The following CAST variants were observed in gnomAD, a reference collection of about 807,000 sequenced individuals.
The protein encoded by CAST is MIR583 host.
CAST carries 76 observed loss-of-function variants against 119.6 expected under a neutral mutation model. The observed-to-expected ratio is 0.64, with a 90% CI of 0.53 to 0.77. The LOEUF (loss-of-function observed/expected upper bound fraction) is 0.77, where lower values mean the gene tolerates loss of function less well. Ranked by LOEUF, CAST falls within the 30% of genes least tolerant of loss-of-function variation. The probability of loss-of-function intolerance (pLI) is 0.00; values close to 1 mark genes in which losing one functional copy is unlikely to be tolerated. For synonymous variants in CAST, 319 were observed against 331.6 expected (o/e 0.96, Z 0.41); for missense variants, 953 against 946.5 (o/e 1.01, Z -0.09).
At chr5:96,363,544 C>A in the CAST span, among the ~76,000 whole-genome samples, 1 of 152,128 alleles carries the variant, frequency 6.6e-6, no homozygotes, top group Non-Finnish European at 1.5e-5. Flanking sequence ...TTGAAGAGGT[C>A]CTTCACATCC....
chr5:96,211,446 T>C, the CAST span, among the ~76,000 whole-genome samples: 1 of 152,032 alleles, frequency 6.6e-6, no homozygotes, highest in African/African-American at 2.4e-5. Context: ...CACTGATTGA[T>C]TTTCAAATAT....
At chr5:96,619,511 C>G (rs1747545786) in intron 1 of CAST, among the ~76,000 whole-genome samples, 1 of 152,230 alleles carries the variant, frequency 6.6e-6, no homozygotes, top group Non-Finnish European at 1.5e-5. Context: ...GCAGCAGCAA[C>G]CTGCTGGGTC....
chr5:96,150,810 G>C, the CAST span, among the ~76,000 whole-genome samples: 19 of 152,290 alleles, frequency 1.2e-4, no homozygotes, highest in African/African-American at 4.1e-4. Flanking sequence ...AGCTGTGGGG[G>C]GCAGGGCCTC....
chr5:96,524,820 A>G (rs896656580), upstream of CAST, among the ~76,000 whole-genome samples: 3 of 152,222 alleles, frequency 2.0e-5, no homozygotes, highest in Non-Finnish European at 2.9e-5. Flanking sequence ...CTTTTCAAAC[A>G]CAATGTTTTA....
At chr5:96,392,669 CCTTTT>C in the CAST span, 18 of 241,912 alleles carry the variant, frequency 7.4e-5, no homozygotes, top group Non-Finnish European at 1.1e-4. Context: ...CCAGGTTTTG[CCTTTT>C]CTTTTGAGAA....
chr5:96,209,427 TTAAG>T, the CAST span, among the ~76,000 whole-genome samples: 1 of 152,102 alleles, frequency 6.6e-6, no homozygotes, highest in South Asian at 2.1e-4. Flanking sequence ...GTCTATGAAA[TTAAG>T]TGTGTTTTTT....
At chr5:96,273,515 T>G in the CAST span, among the ~76,000 whole-genome samples, 1 of 152,230 alleles carries the variant, frequency 6.6e-6, no homozygotes, top group Non-Finnish European at 1.5e-5. Context: ...ATTTATGGCC[T>G]GTCGATGAAT....
the CAST span, among the ~76,000 whole-genome samples, chr5:96,330,555 A>G: frequency 2.0e-5 from 3 of 152,206 alleles, no homozygotes. Flanking sequence ...GTTCCTATGC[A>G]GTTTATCAGC....
chr5:95,962,945 T>G, the CAST span, among the ~76,000 whole-genome samples: 2 of 152,156 alleles, frequency 1.3e-5, no homozygotes, highest in African/African-American at 4.8e-5. Flanking sequence ...TTCCATTCCA[T>G]CCACAGGATG....
the CAST span, among the ~76,000 whole-genome samples, chr5:96,259,006 A>T: frequency 1.3e-5 from 2 of 152,352 alleles, no homozygotes; most frequent in Admixed American, 6.5e-5. Context: ...GGCTGGGAAA[A>T]GTTAATGGAA....
the CAST span, among the ~76,000 whole-genome samples, chr5:96,493,476 T>C: frequency 9.2e-5 from 14 of 152,170 alleles, no homozygotes; most frequent in Admixed American, 7.2e-4. Context: ...AACTCCCCAG[T>C]TGGAAGTTGG....
chr5:96,432,264 T>TC, the CAST span: 3 of 744,508 alleles, frequency 4.0e-6, no homozygotes, highest in South Asian at 1.8e-5. Context: ...CCACCATTTC[T>TC]CCCCCCAGCT....
chr5:96,774,484 T>G lies in CAST; in HGVS notation c.*1868T>G, dbSNP rs967493418. 2.0e-6 allele frequency: 2 copies of G among 985,344 alleles called. No individual in the cohort carries two copies. The highest frequency in any genetic ancestry group is 2.4e-6 in the Non-Finnish European group (2 of 828,508). 61.0% of individuals were successfully genotyped at this position (985,344 alleles called of 1,614,324 possible). A position where few individuals can be genotyped will look rare whatever the true frequency, so the allele number is the denominator to read the frequency against. ...AGAGAAAATAATTGCAAATATCCACTTAGAGGCAAAGAACAATTTTTTATT... is the reference window on the plus strand; with the variant it reads ...AGAGAAAATAATTGCAAATATCCACGTAGAGGCAAAGAACAATTTTTTATT... On this transcript the variant is annotated 3_prime_UTR_variant, in exon 32 of 32. Transcript: ENST00000675179.
the CAST span, chr5:96,400,017 T>C: frequency 6.2e-7 from 1 of 1,614,236 alleles, no homozygotes; most frequent in Non-Finnish European, 8.5e-7. Flanking sequence ...CTCCAGGTCC[T>C]GGGGTCAGCT....
At chr5:96,409,061 C>T in the CAST span, among the ~76,000 whole-genome samples, 2 of 152,324 alleles carry the variant, frequency 1.3e-5, no homozygotes, top group East Asian at 3.9e-4. Flanking sequence ...GAGATGTTCT[C>T]TGTGAAAGTA....
the CAST span, among the ~76,000 whole-genome samples, chr5:96,349,139 A>ATTTTTTTTTT: frequency 4.4e-4 from 39 of 89,624 alleles, 1 homozygote; most frequent in Non-Finnish European, 6.4e-4. Context: ...CAAGGACACT[A>ATTTTTTTTTT]TTTTTTTTTT....
rs186367704 is a variant in CAST at position 96,743,272 on chromosome 5, T to C, written c.1200+516T>C. Among the ~76,000 whole-genome samples the C allele has an allele frequency of 2.4e-3, 358 of 152,310 alleles. 2 individuals are homozygous for C. Among genetic ancestry groups the C allele is most frequent in the Middle Eastern group, 0.014 (4 of 294 alleles). ...CTGATGAGTGTTTATCCCGCCACAC[T>C]CCAAGATCTTAACAAGCCTTCTGAA... On this transcript the variant is annotated intron_variant, in intron 16 of 31. Coordinates refer to ENST00000675179, the MANE Select transcript of CAST (RefSeq NM_001750.7).
At chr5:96,236,501 A>T in the CAST span, among the ~76,000 whole-genome samples, 1 of 152,150 alleles carries the variant, frequency 6.6e-6, no homozygotes, top group Non-Finnish European at 1.5e-5. Flanking sequence ...TTTGCCCAGC[A>T]TGAGTGGGTC....
chr5:96,643,317 A>G (rs547062288), intron 1 of CAST, among the ~76,000 whole-genome samples: 1 of 152,370 alleles, frequency 6.6e-6, no homozygotes, highest in African/African-American at 2.4e-5. Context: ...ACAAAAGATC[A>G]CTTATTATAT....
Sources: gnomAD v4.1 joint callset for allele counts (sites outside exome capture counted in the v4.1 genomes callset) on GRCh38, gnomAD v4.1.1 for gene constraint, MANE v1.5 for transcripts, NCBI Gene and HGNC (gene_info 2026-07-23, HGNC 2026-07-21) for gene names.